The following DLG1 variants were observed in gnomAD, a reference collection of about 807,000 sequenced individuals.
The protein encoded by DLG1 is disks large homolog 1.
Under a neutral mutation model 123.4 loss-of-function variants are expected in DLG1, and 42 were observed. The observed-to-expected ratio is 0.34, with a 90% confidence interval of 0.27 to 0.44. The LOEUF is 0.44. Among genes scored for constraint, DLG1 ranks in the 20% least tolerant of loss-of-function variants. The probability of loss-of-function intolerance (pLI) is 1.00; values close to 1 mark genes in which losing one functional copy is unlikely to be tolerated. For synonymous variants in DLG1, 317 were observed against 356.2 expected, an observed-to-expected ratio of 0.89 and a Z score of 1.24; for missense variants, 942 against 1,082.6, an observed-to-expected ratio of 0.87 and a Z score of 1.82.
chr3:197,083,405 T>C (rs1752359874), intron 16 of DLG1, among the ~76,000 whole-genome samples: 1 of 152,250 alleles, frequency 6.6e-6, no homozygotes, highest in Admixed American at 6.5e-5. Flanking sequence ...TTTTGCTGGC[T>C]ATCTTACTAC....
At position 197,274,520 on chromosome 3, in the gene DLG1, T is replaced by C. The variant is rs62282107; in HGVS notation, c.318+8159A>G. Among the ~76,000 whole-genome samples the C allele has an allele frequency of 6.1e-3, 927 of 151,932 alleles. 10 individuals carry two copies. Among genetic ancestry groups the C allele is most frequent in the South Asian group, 9.0e-3 (43 of 4,776 alleles). On this transcript the variant is annotated intron_variant, in intron 4 of 24. Coordinates refer to ENST00000667157, the MANE Select transcript of DLG1 (RefSeq NM_001366207.1). ...TACGACACGACACGACACGACACGA[T>C]ACGATACGAAAACATTGGGGAAATG...
intron 4 of DLG1, among the ~76,000 whole-genome samples, chr3:197,211,229 C>A (rs111964575): frequency 1.1e-4 from 16 of 146,174 alleles, no homozygotes; most frequent in African/African-American, 3.9e-4. Flanking sequence ...AGAGCTGGTA[C>A]CATTTCTACC....
intron 5 of DLG1, among the ~76,000 whole-genome samples, chr3:197,169,332 A>T (rs1357469895): frequency 6.6e-6 from 1 of 152,236 alleles, no homozygotes. Flanking sequence ...GACAGAAGGG[A>T]CAATTAGGAG....
chr3:197,083,190 C>T (rs1030353751), intron 16 of DLG1, among the ~76,000 whole-genome samples: 3 of 151,844 alleles, frequency 2.0e-5, no homozygotes, highest in Admixed American at 6.6e-5. Context: ...GTTATAAGCC[C>T]GAAAATCATA....
In DLG1 at chr3:197,165,291, G is replaced by A. The variant is rs540298341; in HGVS notation, c.484-15495C>T. Among the ~76,000 whole-genome samples, 24 of 152,252 alleles carry A rather than the reference G, an allele frequency of 1.6e-4. No homozygotes were observed. In the East Asian group the frequency reaches 4.4e-3, roughly 28 times the overall value. The stretch of plus-strand genomic sequence containing the variant: ...AGTGTCATTCTCTAGAAAACAAACT[G>A]AAAATGTATTTCACACTCTGGACTC... On this transcript the variant is annotated intron_variant, in intron 5 of 24. Coordinates refer to ENST00000667157, the MANE Select transcript of DLG1 (RefSeq NM_001366207.1).
chr3:197,061,776 T>C (rs1158566502), intron 22 of DLG1, among the ~76,000 whole-genome samples: 1 of 152,222 alleles, frequency 6.6e-6, no homozygotes, highest in African/African-American at 2.4e-5. Flanking sequence ...GGCGATATTA[T>C]ATCTATTTGT....
intron 4 of DLG1, among the ~76,000 whole-genome samples, chr3:197,241,515 C>A (rs1748840187): frequency 6.6e-6 from 1 of 151,846 alleles, no homozygotes; most frequent in Non-Finnish European, 1.5e-5. Flanking sequence ...CACAAAAAAC[C>A]CAAAATACTT....
At chr3:197,242,951 C>G (rs1261811701) in intron 4 of DLG1, among the ~76,000 whole-genome samples, 1 of 152,080 alleles carries the variant, frequency 6.6e-6, no homozygotes, top group Non-Finnish European at 1.5e-5. Flanking sequence ...AAGAATTAGG[C>G]AAGAGGATGC....
At chr3:197,101,810 G>C (rs1346590953) in intron 14 of DLG1, among the ~76,000 whole-genome samples, 2 of 151,788 alleles carry the variant, frequency 1.3e-5, no homozygotes, top group African/African-American at 4.8e-5. Flanking sequence ...TTTTTATTTT[G>C]AGACGGGGTC....
chr3:197,229,005 G>C (rs1031912305), intron 4 of DLG1, among the ~76,000 whole-genome samples: 1 of 152,110 alleles, frequency 6.6e-6, no homozygotes, highest in Admixed American at 6.6e-5. Flanking sequence ...TTTCAACATG[G>C]AACAACTTTG....
intron 4 of DLG1, among the ~76,000 whole-genome samples, chr3:197,227,482 A>C (rs570680396): frequency 6.6e-6 from 1 of 152,002 alleles, no homozygotes; most frequent in Non-Finnish European, 1.5e-5. Context: ...CTCAAAAAAA[A>C]ACCAAAAAAA....
intron 4 of DLG1, among the ~76,000 whole-genome samples, chr3:197,237,709 G>A (rs1561614965): frequency 6.6e-6 from 1 of 152,170 alleles, no homozygotes; most frequent in Non-Finnish European, 1.5e-5. Context: ...CTGGCCGGGG[G>A]TAGAGGGAAT....
chr3:197,180,066 T>TG (rs1561282878), intron 5 of DLG1, among the ~76,000 whole-genome samples: 11 of 82,668 alleles, frequency 1.3e-4, no homozygotes, highest in East Asian at 6.8e-4. Context: ...TGTTTTTTTT[T>TG]TGGGGGGGGG....
At chr3:197,124,643 A>C (rs1778119701) in intron 11 of DLG1, among the ~76,000 whole-genome samples, 1 of 151,926 alleles carries the variant, frequency 6.6e-6, no homozygotes, top group South Asian at 2.1e-4. Context: ...AGGTGCAATA[A>C]TAGTGCACTA....
At chr3:197,091,634 ATT>A (rs1416093846) in intron 14 of DLG1, among the ~76,000 whole-genome samples, 1 of 152,088 alleles carries the variant, frequency 6.6e-6, no homozygotes, top group African/African-American at 2.4e-5. Context: ...TATTTAAAAT[ATT>A]TTTTATACAA....
In DLG1 at chr3:197,065,265, C is replaced by G; in HGVS notation, c.2373+11G>C. ...TTAGAAGCTATATTCTGGGATTAGT[C>G]TGATGCTTACCTTTTCTGCTACTTC... On this transcript the variant is annotated intron_variant, in intron 22 of 24. Coordinates refer to ENST00000667157, the MANE Select transcript of DLG1 (RefSeq NM_001366207.1). The G allele has an allele frequency of 6.3e-7, 1 of 1,593,840 alleles. No homozygotes were observed. Among genetic ancestry groups the G allele is most frequent in the Non-Finnish European group, 8.5e-7 (1 of 1,172,430 alleles).
chr3:197,256,706 TTGG>T (rs1475665198), intron 4 of DLG1, among the ~76,000 whole-genome samples: 5 of 152,206 alleles, frequency 3.3e-5, no homozygotes, highest in Non-Finnish European at 5.9e-5. Flanking sequence ...TACCTATAGT[TTGG>T]TTATAAGTTA....
In DLG1 at chr3:197,093,408, C is replaced by T. The variant is rs746375058; in HGVS notation, c.1547-2382G>A. Among the ~76,000 whole-genome samples, 70 of 152,282 alleles carry T rather than the reference C, an allele frequency of 4.6e-4. 1 individual carries two copies. Among genetic ancestry groups the T allele is most frequent in the Non-Finnish European group, 6.0e-4 (41 of 68,006 alleles). ...TCTTGACCTCGTAATCCGCCTGCCTCGGCCTCCCAAAGTGCTGGGATTACC... is the reference window on the plus strand; with the variant it reads ...TCTTGACCTCGTAATCCGCCTGCCTTGGCCTCCCAAAGTGCTGGGATTACC... On this transcript the variant is annotated intron_variant, in intron 14 of 24. Coordinates refer to ENST00000667157, the MANE Select transcript of DLG1 (RefSeq NM_001366207.1).
rs183922931 is a variant in DLG1, at chr3:197,280,839, T to C, written c.318+1840A>G. Among the ~76,000 whole-genome samples the C allele has an allele frequency of 4.1e-4, 63 of 152,312 alleles. 1 individual carries two copies. In the East Asian group the frequency reaches 0.011, roughly 28 times the overall value. On this transcript the variant is annotated intron_variant, in intron 4 of 24. Coordinates refer to ENST00000667157, the MANE Select transcript of DLG1 (RefSeq NM_001366207.1). ...GAAATAACTGTCTTAGTCCCTTCTG[T>C]GTTGCTACAGCTGCATACCTGAGAC...
Sources: allele counts gnomAD v4.1 joint callset (sites outside exome capture counted in the v4.1 genomes callset), GRCh38; gene constraint gnomAD v4.1.1; transcripts MANE v1.5; gene names NCBI Gene and HGNC (gene_info 2026-07-23, HGNC 2026-07-21).